DIP2B: variants seen among roughly 807,000 people sequenced by gnomAD.
DIP2B encodes disco-interacting protein 2 homolog B.
DIP2B carries 76 observed loss-of-function variants against 198.0 expected under a neutral mutation model. The ratio of observed to expected loss-of-function variants is 0.38; its 90% CI spans 0.32 to 0.46. The LOEUF (loss-of-function observed/expected upper bound fraction) is 0.46, where lower values mean the gene tolerates loss of function less well. Ranked by LOEUF, DIP2B falls within the 20% of genes least tolerant of loss-of-function variation. DIP2B has a pLI of 0.99. For missense variants in DIP2B, 1,559 were observed against 1,978.4 expected (o/e 0.79, Z 4.02); for synonymous variants, 701 against 739.1 (o/e 0.95, Z 0.84).
intron 1 of DIP2B, among the ~76,000 whole-genome samples, chr12:50,517,772 G>A (rs886466578): frequency 4.6e-5 from 7 of 151,890 alleles, no homozygotes; most frequent in Non-Finnish European, 1.0e-4. Context: ...TTTTTCACTT[G>A]TATGCTTTTG....
chr12:50,566,700 T>A (rs1281722148), intron 1 of DIP2B, among the ~76,000 whole-genome samples: 1 of 152,172 alleles, frequency 6.6e-6, no homozygotes, highest in Non-Finnish European at 1.5e-5. Flanking sequence ...CTGGGCGCAG[T>A]GGCTCACACC....
chr12:50,521,377 T>C (rs993308481), intron 1 of DIP2B, among the ~76,000 whole-genome samples: 9 of 152,084 alleles, frequency 5.9e-5, no homozygotes, highest in African/African-American at 2.2e-4. Flanking sequence ...AGTGCTGGGA[T>C]TATAGGCATG....
chr12:50,599,792 T>C (rs1958919852), intron 1 of DIP2B, among the ~76,000 whole-genome samples: 1 of 152,242 alleles, frequency 6.6e-6, no homozygotes, highest in African/African-American at 2.4e-5. Flanking sequence ...GTCACTGTTA[T>C]TTATTAGTGT....
At position 50,540,388 on chromosome 12, in the gene DIP2B, C is replaced by T. The variant is rs544965642; in HGVS notation, c.100+35148C>T. Among the ~76,000 whole-genome samples, 726 of 151,588 alleles carry T rather than the reference C, an allele frequency of 4.8e-3. 7 individuals carry two copies. Among genetic ancestry groups the T allele is most frequent in the African/African-American group, 0.017 (688 of 41,344 alleles). On this transcript the variant is annotated intron_variant, in intron 1 of 37. Transcript: ENST00000301180. ...CCTCCCAAAGTGCTGGGATTACAGG[C>T]GTGAGCCACCGTGCCCAGCCAGCTA...
chr12:50,520,369 G>GA (rs1221119594), intron 1 of DIP2B, among the ~76,000 whole-genome samples: 1 of 152,094 alleles, frequency 6.6e-6, no homozygotes, highest in Non-Finnish European at 1.5e-5. Flanking sequence ...AACCCAGCAA[G>GA]GAATTGTTAG....
intron 1 of DIP2B, among the ~76,000 whole-genome samples, chr12:50,617,881 T>C (rs1314084092): frequency 1.3e-5 from 2 of 152,208 alleles, no homozygotes; most frequent in Non-Finnish European, 2.9e-5. Context: ...GAATTGTTAA[T>C]ACATTTTCGA....
intron 2 of DIP2B, among the ~76,000 whole-genome samples, chr12:50,639,737 G>A (rs1441073064): frequency 6.6e-6 from 1 of 152,094 alleles, no homozygotes; most frequent in Non-Finnish European, 1.5e-5. Context: ...ATAACCGGGT[G>A]CTATTTCAGA....
intron 1 of DIP2B, among the ~76,000 whole-genome samples, chr12:50,560,410 G>C (rs7488678): frequency 1.2e-4 from 18 of 148,242 alleles, no homozygotes; most frequent in African/African-American, 4.5e-4. Context: ...AAAAAAAAAA[G>C]CAAAAAACTT....
intron 7 of DIP2B, among the ~76,000 whole-genome samples, chr12:50,677,194 G>T (rs1318454147): frequency 1.3e-5 from 2 of 152,082 alleles, no homozygotes; most frequent in Non-Finnish European, 2.9e-5. Context: ...CCTCCAGGTG[G>T]AGACGTGCCC....
intron 1 of DIP2B, among the ~76,000 whole-genome samples, chr12:50,546,838 C>T (rs1286642029): frequency 1.3e-5 from 2 of 151,708 alleles, no homozygotes; most frequent in African/African-American, 4.8e-5. Context: ...ATGTAGGAGG[C>T]AGTAAAGAAA....
At chr12:50,594,517 A>G (rs754807686) in intron 1 of DIP2B, among the ~76,000 whole-genome samples, 1 of 152,230 alleles carries the variant, frequency 6.6e-6, no homozygotes, top group Non-Finnish European at 1.5e-5. Context: ...TTCAGTTTAG[A>G]ATTCAGCAGA....
Position 50,523,016 on chromosome 12 carries a change from T to C in DIP2B, c.100+17776T>C, listed in dbSNP as rs184351458. Reference sequence around the variant, plus strand: ...ATATATTTGGGAAAAAGAGAAAAATTATACAATACTTAAATATTGTAAGAA... The same window carrying C: ...ATATATTTGGGAAAAAGAGAAAAATCATACAATACTTAAATATTGTAAGAA... On this transcript the variant is annotated intron_variant, in intron 1 of 37. Coordinates refer to ENST00000301180, the MANE Select transcript of DIP2B (RefSeq NM_173602.3). Among the ~76,000 whole-genome samples the C allele has an allele frequency of 2.3e-3, 352 of 152,270 alleles. 2 individuals are homozygous for C. The highest frequency in any genetic ancestry group is 3.1e-3 in the Non-Finnish European group (208 of 68,028).
chr12:50,707,944 C>G (rs1028285049), intron 21 of DIP2B, among the ~76,000 whole-genome samples: 7 of 152,176 alleles, frequency 4.6e-5, no homozygotes. Flanking sequence ...TTCCTCAAAC[C>G]TGCCAAGCTC....
intron 8 of DIP2B, chr12:50,679,116 C>G (rs554597674): frequency 3.0e-5 from 15 of 493,882 alleles, no homozygotes; most frequent in African/African-American, 1.7e-4. Flanking sequence ...CTTTGTACAT[C>G]CATAGATGTT....
chr12:50,678,917 C>T, intron 8 of DIP2B, 41 bp downstream of exon 8: 2 of 1,607,356 alleles, frequency 1.2e-6, no homozygotes, highest in Non-Finnish European at 1.7e-6. Context: ...CCTGAGAGTT[C>T]TTCAGAATAT....
rs1160323580 is a variant in DIP2B at position 50,714,672 on chromosome 12, C to G, written c.2851+76C>G. The G allele has an allele frequency of 3.9e-6, 6 of 1,553,542 alleles. No individual in the cohort carries two copies. In the African/African-American group the frequency reaches 4.1e-5, roughly 11 times the overall value. On this transcript the variant is annotated intron_variant, in intron 23 of 37. Transcript: ENST00000301180. ...CTGGGTTCTCTCAGTGTGATTCTTT[C>G]TCTACAATTAGTTTACAAAGACTTT...
In DIP2B at chr12:50,744,915, C is replaced by A; in HGVS notation, c.*76C>A. On this transcript the variant is annotated 3_prime_UTR_variant, in exon 38 of 38. Transcript: ENST00000301180. ...AAGACCTCTGGCTAAGAGCAGGCTT[C>A]AAACGATGTGAAATAAGCTGAGATG... is the stretch of plus-strand genomic sequence containing the variant. The A allele has an allele frequency of 6.5e-7, 1 of 1,537,534 alleles. No individual in the cohort carries two copies. Among genetic ancestry groups the A allele is most frequent in the Non-Finnish European group, 8.8e-7 (1 of 1,131,064 alleles).
chr12:50,709,306 T>C (rs1939570061), intron 22 of DIP2B, among the ~76,000 whole-genome samples: 1 of 152,204 alleles, frequency 6.6e-6, no homozygotes, highest in South Asian at 2.1e-4. Flanking sequence ...GTGATTGTTA[T>C]TATCCATCTT....
chr12:50,694,802 G>A (rs545114979), intron 14 of DIP2B, among the ~76,000 whole-genome samples: 3 of 152,024 alleles, frequency 2.0e-5, no homozygotes, highest in African/African-American at 7.2e-5. Context: ...CATTAATAGG[G>A]AAATGCCTAA....
Sources: allele counts gnomAD v4.1 joint callset (sites outside exome capture counted in the v4.1 genomes callset), GRCh38; gene constraint gnomAD v4.1.1; transcripts MANE v1.5; gene names NCBI Gene and HGNC (gene_info 2026-07-23, HGNC 2026-07-21).